NHSL3: variants seen among roughly 807,000 people sequenced by gnomAD.
NHSL3 encodes NHS like 3.
chr1:32,753,055 ACCT>A, the NHSL3 span, among the ~76,000 whole-genome samples: 1 of 143,184 alleles, frequency 7.0e-6, no homozygotes, highest in Non-Finnish European at 1.5e-5. Context: ...TACAACCTCC[ACCT>A]CCTGGGTTCA....
At chr1:32,771,509 C>T in the NHSL3 span, 3 of 1,592,624 alleles carry the variant, frequency 1.9e-6, no homozygotes, top group Non-Finnish European at 1.7e-6. Context: ...CCCCCTGCCC[C>T]TGAGGAGCAG....
chr1:32,755,400 C>G, the NHSL3 span, among the ~76,000 whole-genome samples: 4 of 152,138 alleles, frequency 2.6e-5, no homozygotes, highest in African/African-American at 9.7e-5. Context: ...AGATTCCGAA[C>G]CGGAGCTTGA....
chr1:32,771,924 C>T, the NHSL3 span: 61 of 1,598,004 alleles, frequency 3.8e-5, no homozygotes, highest in African/African-American at 7.4e-4. Context: ...TGCGAAGGGC[C>T]CTGTCAGGGC....
the NHSL3 span, among the ~76,000 whole-genome samples, chr1:32,753,842 G>A: frequency 1.3e-5 from 2 of 152,182 alleles, no homozygotes; most frequent in South Asian, 4.1e-4. Flanking sequence ...TAGGCTGGGC[G>A]GCTCAGCCGG....
At chr1:32,773,125 T>C in the NHSL3 span, 15 of 582,860 alleles carry the variant, frequency 2.6e-5, no homozygotes, top group Admixed American at 2.9e-4. Flanking sequence ...CGCTTCAGTC[T>C]TGGCCTTAGC....
chr1:32,769,651 T>G, the NHSL3 span: 1 of 1,585,500 alleles, frequency 6.3e-7, no homozygotes, highest in Non-Finnish European at 8.6e-7. Context: ...CTAACAGTTT[T>G]TCTCCCACGA....
chr1:32,762,800 G>T, the NHSL3 span, among the ~76,000 whole-genome samples: 2 of 152,174 alleles, frequency 1.3e-5, no homozygotes, highest in South Asian at 2.1e-4. Flanking sequence ...ATATTGACCA[G>T]GCTGGTCTCA....
At chr1:32,768,854 G>C in the NHSL3 span, 1 of 1,521,440 alleles carries the variant, frequency 6.6e-7, no homozygotes, top group Non-Finnish European at 8.9e-7. Context: ...TCCTTATCCA[G>C]TGTTTCACCA....
At chr1:32,771,842 G>C in the NHSL3 span, 3 of 1,606,964 alleles carry the variant, frequency 1.9e-6, no homozygotes. Flanking sequence ...CAGATGGTGC[G>C]GCTGCGCTCC....
the NHSL3 span, among the ~76,000 whole-genome samples, chr1:32,767,251 G>A: frequency 6.6e-6 from 1 of 152,170 alleles, no homozygotes; most frequent in African/African-American, 2.4e-5. Context: ...CGAGAGCAAT[G>A]TATTTACTAT....
chr1:32,764,730 C>G, the NHSL3 span, among the ~76,000 whole-genome samples: 1 of 152,182 alleles, frequency 6.6e-6, no homozygotes, highest in African/African-American at 2.4e-5. Context: ...ACCTTGGCCT[C>G]CCAAAATGCT....
the NHSL3 span, among the ~76,000 whole-genome samples, chr1:32,756,691 G>A: frequency 2.7e-5 from 4 of 150,022 alleles, no homozygotes; most frequent in Non-Finnish European, 5.9e-5. Flanking sequence ...AGAATGGGCT[G>A]GATGCAGTAG....
the NHSL3 span, chr1:32,742,103 C>A: frequency 1.6e-6 from 2 of 1,249,960 alleles, no homozygotes; most frequent in South Asian, 6.3e-5. Flanking sequence ...AAGAAGAAGG[C>A]GGCGGGGGCC....
At chr1:32,772,823 CAGG>C in the NHSL3 span, 3 of 1,605,438 alleles carry the variant, frequency 1.9e-6, no homozygotes, top group Non-Finnish European at 2.6e-6. Flanking sequence ...AGAACCAAGC[CAGG>C]AGGCCCCTTG....
chr1:32,761,341 G>A, the NHSL3 span, among the ~76,000 whole-genome samples: 1 of 152,182 alleles, frequency 6.6e-6, no homozygotes, highest in Non-Finnish European at 1.5e-5. Flanking sequence ...GAGGCTGCGA[G>A]CTCTGACTTG....
At chr1:32,763,273 C>T in the NHSL3 span, among the ~76,000 whole-genome samples, 3 of 152,158 alleles carry the variant, frequency 2.0e-5, no homozygotes, top group East Asian at 1.9e-4. Flanking sequence ...CGTGAGCCAC[C>T]GTGCACGGCC....
the NHSL3 span, chr1:32,768,505 T>C: frequency 3.6e-6 from 3 of 837,116 alleles, no homozygotes; most frequent in Admixed American, 2.5e-5. Context: ...TGAGGCAGGA[T>C]AATCGCTTGA....
chr1:32,753,931 G>T, the NHSL3 span: 1 of 267,652 alleles, frequency 3.7e-6, no homozygotes. Flanking sequence ...CCCCCGGCCT[G>T]GCCATTGGCC....
the NHSL3 span, among the ~76,000 whole-genome samples, chr1:32,760,575 GGTGT>G: frequency 6.7e-6 from 1 of 148,430 alleles, no homozygotes; most frequent in Admixed American, 6.7e-5. Flanking sequence ...GTGCTTTATG[GGTGT>G]GTGTGTGTGT....
Sources: gnomAD v4.1 joint callset for allele counts (sites outside exome capture counted in the v4.1 genomes callset) on GRCh38, gnomAD v4.1.1 for gene constraint, MANE v1.5 for transcripts, NCBI Gene and HGNC (gene_info 2026-07-23, HGNC 2026-07-21) for gene names.